DCHS2: variants seen among roughly 807,000 people sequenced by gnomAD.
DCHS2 encodes the protein protocadherin-23.
DCHS2 carries 142 observed loss-of-function variants against 182.4 expected under a neutral mutation model. The ratio of observed to expected loss-of-function variants is 0.78; its 90% CI spans 0.68 to 0.89. DCHS2 has a LOEUF of 0.89. Ranked by LOEUF, DCHS2 falls within the 40% of genes least tolerant of loss-of-function variation. The pLI is 0.00. For synonymous variants in DCHS2, 1,740 were observed against 1,663.3 expected, an observed-to-expected ratio of 1.05 and a Z score of -1.12; for missense variants, 4,319 against 4,198.6, an observed-to-expected ratio of 1.03 and a Z score of -0.79.
chr4:154,295,544 A>G (rs567247158), intron 13 of DCHS2, among the ~76,000 whole-genome samples: 2 of 152,356 alleles, frequency 1.3e-5, no homozygotes, highest in Admixed American at 1.3e-4. Flanking sequence ...AAAAAAAGAC[A>G]TACCGTAGGC....
intron 2 of DCHS2, among the ~76,000 whole-genome samples, chr4:154,369,052 A>G (rs1730523107): frequency 6.6e-6 from 1 of 152,230 alleles, no homozygotes; most frequent in Non-Finnish European, 1.5e-5. Context: ...TATTACTTAT[A>G]TTACAAATAT....
At chr4:154,321,722 G>T (rs750280068) in intron 8 of DCHS2, among the ~76,000 whole-genome samples, 5 of 152,130 alleles carry the variant, frequency 3.3e-5, no homozygotes, top group Non-Finnish European at 7.4e-5. Context: ...TGGAAACAGA[G>T]TTCTTGTGGA....
chr4:154,392,722 C>T (rs896262807), intron 1 of DCHS2, among the ~76,000 whole-genome samples: 2 of 152,214 alleles, frequency 1.3e-5, no homozygotes, highest in African/African-American at 4.8e-5. Context: ...AATATAATCA[C>T]TTTTACAGAA....
chr4:154,369,587 G>T (rs1478844163), intron 2 of DCHS2, among the ~76,000 whole-genome samples: 2 of 152,174 alleles, frequency 1.3e-5, no homozygotes, highest in East Asian at 3.8e-4. Flanking sequence ...CCACTTGCAG[G>T]TTCCTGGCCC....
rs771276461 is a variant in DCHS2, at chr4:154,255,769, C to A, written c.6790-99G>T. ...GCATTAAGAAAGAATCACAGCTTGT[C>A]AAACATATTTTAAAAACAACGATGA... On this transcript the variant is annotated intron_variant, in intron 15 of 19. Transcript: ENST00000357232. 11 of 1,407,448 alleles carry A rather than the reference C, an allele frequency of 7.8e-6. No individual in the cohort carries two copies. In the African/African-American group the frequency reaches 1.6e-4, roughly 20 times the overall value. 87.2% of individuals were successfully genotyped at this position (1,407,448 alleles called of 1,614,324 possible).
intron 1 of DCHS2, among the ~76,000 whole-genome samples, chr4:154,457,902 CT>C (rs1319067249): frequency 6.6e-6 from 1 of 152,192 alleles, no homozygotes; most frequent in Non-Finnish European, 1.5e-5. Flanking sequence ...AACCACTGAT[CT>C]GGATAATCAG....
chr4:154,367,372 G>A (rs1440426644), intron 2 of DCHS2, among the ~76,000 whole-genome samples: 6 of 152,144 alleles, frequency 3.9e-5, no homozygotes, highest in Admixed American at 3.9e-4. Flanking sequence ...AAGGAGGACA[G>A]GAGCAGTGCA....
intron 3 of DCHS2, among the ~76,000 whole-genome samples, chr4:154,362,157 G>T (rs186296689): frequency 6.6e-6 from 1 of 152,148 alleles, no homozygotes; most frequent in Admixed American, 6.6e-5. Flanking sequence ...AATTCCCATT[G>T]TCAAGGCCAG....
chr4:154,431,111 A>T lies in DCHS2; in HGVS notation c.2053-53667T>A, dbSNP rs372105561. ...AAATTCTACCCAAAAAAATCTGCTGAGATTTTTCTTGGGATTGCATTGCAT... is the reference window on the plus strand; with the variant it reads ...AAATTCTACCCAAAAAAATCTGCTGTGATTTTTCTTGGGATTGCATTGCAT... On this transcript the variant is annotated intron_variant, in intron 1 of 19. Coordinates refer to ENST00000357232, the MANE Select transcript of DCHS2 (RefSeq NM_001358235.2). Among the ~76,000 whole-genome samples, 4 of 152,318 alleles carry T rather than the reference A, an allele frequency of 2.6e-5. No homozygotes were observed. In the East Asian group the frequency reaches 7.7e-4, roughly 29 times the overall value.
At chr4:154,417,194 TGTGTGTGTGTGAGAGAGA>T (rs1260485690) in intron 1 of DCHS2, among the ~76,000 whole-genome samples, 2,618 of 91,550 alleles carry the variant, frequency 0.029, 129 homozygotes, top group African/African-American at 0.089. Flanking sequence ...TGTGTGTGTG[TGTGTGTGTGTGAGAGAGA>T]GAGAGAGAGA....
chr4:154,462,758 T>C (rs1183622573), intron 1 of DCHS2, among the ~76,000 whole-genome samples: 1 of 152,140 alleles, frequency 6.6e-6, no homozygotes, highest in Non-Finnish European at 1.5e-5. Flanking sequence ...CTAATAGATT[T>C]AAAATTTATA....
chr4:154,447,485 T>C (rs1734350353), intron 1 of DCHS2, among the ~76,000 whole-genome samples: 1 of 152,160 alleles, frequency 6.6e-6, no homozygotes, highest in Non-Finnish European at 1.5e-5. Context: ...TACAATTATC[T>C]CAATACAAAT....
At chr4:154,470,487 C>CAAA (rs11404069) in intron 1 of DCHS2, among the ~76,000 whole-genome samples, 4,816 of 143,274 alleles carry the variant, frequency 0.034, 125 homozygotes, top group Non-Finnish European at 0.051. Context: ...GACCCTGTCT[C>CAAA]AAAAAAAAAA....
chr4:154,389,999 G>A (rs1406477178), intron 1 of DCHS2, among the ~76,000 whole-genome samples: 2 of 152,054 alleles, frequency 1.3e-5, no homozygotes, highest in East Asian at 1.9e-4. Context: ...GCTGATCCAC[G>A]GACTGGCACT....
chr4:154,340,355 A>G (rs999586579), intron 3 of DCHS2, among the ~76,000 whole-genome samples: 2 of 152,230 alleles, frequency 1.3e-5, no homozygotes, highest in African/African-American at 4.8e-5. Context: ...AACATGAAAA[A>G]TAATGTTTCA....
At position 154,366,379 on chromosome 4, in the gene DCHS2, A is replaced by T; in HGVS notation, c.2307T>A (p.Pro769=). 1 of 1,614,022 alleles carries T rather than the reference A, an allele frequency of 6.2e-7. No homozygotes were observed. Among genetic ancestry groups the T allele is most frequent in the Non-Finnish European group, 8.5e-7 (1 of 1,179,966 alleles). The change falls in exon 3 of 20, where the codon CCT becomes CCA. Residue 769 remains proline, a synonymous_variant. Coordinates refer to ENST00000357232, the MANE Select transcript of DCHS2 (RefSeq NM_001358235.2). The part of the protein sequence containing the change: ...VDLEDVNDNH[P]VFNPSTYVTS... ...TCACATAGGTTGATGGGTTAAACAC[A>T]GGATGATTATCATTCACGTCCTCCA...
chr4:154,393,961 C>T (rs550791166), intron 1 of DCHS2, among the ~76,000 whole-genome samples: 46 of 152,190 alleles, frequency 3.0e-4, no homozygotes, highest in Non-Finnish European at 2.6e-4. Flanking sequence ...CACATCCATA[C>T]GCAAGAATTC....
chr4:154,236,887 T>A lies in DCHS2; in HGVS notation c.7765A>T (p.Ile2589Phe), dbSNP rs1300412211. The stretch of plus-strand genomic sequence containing the variant: ...TTGTTCTGTGAATTACCACTGATGA[T>A]GGAATATTCAACATATGTGTTTTCA... The part of the protein sequence containing the change: ...TRENTYVEYS[I>F]ISGNSQNNFH... The change falls in exon 20 of 20, where the codon ATC becomes TTC. Residue 2589 changes from isoleucine (I) to phenylalanine (F), a missense_variant. Physicochemically the swap from Ile to Phe is conservative, Grantham distance 21. Coordinates refer to ENST00000357232, the MANE Select transcript of DCHS2 (RefSeq NM_001358235.2). 2.5e-6 allele frequency: 4 copies of A among 1,613,964 alleles called. No individual in the cohort carries two copies. In the African/African-American group the frequency reaches 5.3e-5, roughly 22 times the overall value.
At chr4:154,480,309 C>A (rs1413272791) in intron 1 of DCHS2, among the ~76,000 whole-genome samples, 2 of 152,156 alleles carry the variant, frequency 1.3e-5, no homozygotes, top group Non-Finnish European at 2.9e-5. Flanking sequence ...ATTGCTAATT[C>A]TGCACAGTTA....
Sources: allele counts gnomAD v4.1 joint callset (sites outside exome capture counted in the v4.1 genomes callset), GRCh38; gene constraint gnomAD v4.1.1; transcripts MANE v1.5; gene names NCBI Gene and HGNC (gene_info 2026-07-23, HGNC 2026-07-21).